CSMD3: variants seen among roughly 807,000 people sequenced by gnomAD.
CSMD3 encodes the protein CUB and Sushi multiple domains 3, also known as CUB and sushi domain-containing protein 3.
Under a neutral mutation model 435.2 loss-of-function variants are expected in CSMD3, and 177 were observed. That is an observed-to-expected ratio of 0.41 (90% CI 0.36 to 0.46). The LOEUF (loss-of-function observed/expected upper bound fraction) is 0.46. Ranked by LOEUF, CSMD3 falls within the 20% of genes least tolerant of loss-of-function variation. The pLI is 0.34. For synonymous variants in CSMD3, 1,656 were observed against 1,520.5 expected (o/e 1.09, Z -2.07); for missense variants, 4,265 against 4,504.6 (o/e 0.95, Z 1.52).
chr8:113,302,492 T>C (rs1019950223), intron 2 of CSMD3, among the ~76,000 whole-genome samples: 8 of 151,172 alleles, frequency 5.3e-5, no homozygotes, highest in Non-Finnish European at 8.8e-5. Flanking sequence ...TAAATGAATT[T>C]GAAGAGTTAA....
chr8:112,368,437 A>G (rs1214044031), intron 38 of CSMD3, among the ~76,000 whole-genome samples: 1 of 152,192 alleles, frequency 6.6e-6, no homozygotes, highest in Admixed American at 6.5e-5. Context: ...GATGATTGCA[A>G]TGCACAATTA....
chr8:112,611,045 T>C (rs1428736710), intron 22 of CSMD3, among the ~76,000 whole-genome samples: 1 of 152,154 alleles, frequency 6.6e-6, no homozygotes, highest in Admixed American at 6.6e-5. Flanking sequence ...TGTGAGAGGA[T>C]TTACTATGGA....
chr8:113,067,351 C>T (rs1013902564), intron 5 of CSMD3, among the ~76,000 whole-genome samples: 27 of 152,058 alleles, frequency 1.8e-4, no homozygotes. Context: ...TATGAAATGT[C>T]TTCAGACTAT....
At chr8:112,235,470 A>G (rs1350570345) in intron 67 of CSMD3, among the ~76,000 whole-genome samples, 1 of 152,196 alleles carries the variant, frequency 6.6e-6, no homozygotes, top group Non-Finnish European at 1.5e-5. Flanking sequence ...AAAATAAAGT[A>G]GAATTTTTAG....
chr8:112,258,634 C>T (rs527850111), intron 61 of CSMD3, among the ~76,000 whole-genome samples: 9 of 152,228 alleles, frequency 5.9e-5, no homozygotes, highest in African/African-American at 2.2e-4. Flanking sequence ...ACAATAGATG[C>T]CGGAGAGGAT....
intron 10 of CSMD3, among the ~76,000 whole-genome samples, chr8:112,899,706 A>T (rs2082056517): frequency 7.0e-6 from 1 of 143,142 alleles, no homozygotes; most frequent in Non-Finnish European, 1.5e-5. Context: ...TATAGCCATC[A>T]TAACAGGTAT....
chr8:113,397,922 T>A (rs1393947651), intron 1 of CSMD3, among the ~76,000 whole-genome samples: 6 of 152,072 alleles, frequency 3.9e-5, no homozygotes, highest in Non-Finnish European at 8.8e-5. Flanking sequence ...CAGGTTTTGC[T>A]TGAATATTAT....
At position 113,053,591 on chromosome 8, in the gene CSMD3, AACTT is replaced by A. The variant is rs996565335; in HGVS notation, c.918-34416_918-34413del. On this transcript the variant is annotated intron_variant, in intron 5 of 70. Coordinates refer to ENST00000297405, the MANE Select transcript of CSMD3 (RefSeq NM_198123.2). ...TTTATGTATATTTAATATACTTATGAACTTACTTATACATATACAAGTGAAAATT... is the reference window on the plus strand; with the variant it reads ...TTTATGTATATTTAATATACTTATGAACTTATACATATACAAGTGAAAATT... Among the ~76,000 whole-genome samples the A allele has an allele frequency of 9.2e-5, 14 of 152,168 alleles. No homozygotes were observed. In the South Asian group the frequency reaches 1.2e-3, roughly 14 times the overall value.
chr8:112,568,914 T>C (rs2131282007), intron 24 of CSMD3, among the ~76,000 whole-genome samples: 1 of 152,302 alleles, frequency 6.6e-6, no homozygotes, highest in African/African-American at 2.4e-5. Flanking sequence ...TCTCCCTTCT[T>C]CCTTGCTAAC....
At chr8:112,449,101 G>A (rs1380869083) in intron 32 of CSMD3, among the ~76,000 whole-genome samples, 3 of 152,002 alleles carry the variant, frequency 2.0e-5, no homozygotes, top group Non-Finnish European at 4.4e-5. Flanking sequence ...CAATCTACAC[G>A]ATTTGGGTGA....
chr8:112,752,159 G>A (rs2077585189), intron 13 of CSMD3, among the ~76,000 whole-genome samples: 1 of 152,064 alleles, frequency 6.6e-6, no homozygotes, highest in South Asian at 2.1e-4. Flanking sequence ...TAACCTTGTT[G>A]ACTATCCTCT....
chr8:112,370,271 G>C (rs1211945125), intron 38 of CSMD3, among the ~76,000 whole-genome samples: 1 of 152,040 alleles, frequency 6.6e-6, no homozygotes, highest in East Asian at 1.9e-4. Flanking sequence ...TGTCTTATTG[G>C]AAATAAATAA....
chr8:112,885,796 T>C (rs1159347710), intron 10 of CSMD3, among the ~76,000 whole-genome samples: 1 of 151,734 alleles, frequency 6.6e-6, no homozygotes, highest in Non-Finnish European at 1.5e-5. Context: ...GTCATGTGAT[T>C]GGAGGAACAA....
intron 13 of CSMD3, among the ~76,000 whole-genome samples, chr8:112,716,619 A>C (rs1420597496): frequency 1.3e-5 from 2 of 152,154 alleles, no homozygotes; most frequent in Non-Finnish European, 2.9e-5. Context: ...TATAGCCATG[A>C]CAATCCTAAG....
chr8:112,527,696 A>C (rs1825114971), intron 27 of CSMD3, among the ~76,000 whole-genome samples: 1 of 152,014 alleles, frequency 6.6e-6, no homozygotes, highest in African/African-American at 2.4e-5. Context: ...AGTAAATTTA[A>C]AACTAATAAA....
At chr8:113,435,331 A>T (rs987169077) in intron 1 of CSMD3, among the ~76,000 whole-genome samples, 1 of 152,110 alleles carries the variant, frequency 6.6e-6, no homozygotes, top group African/African-American at 2.4e-5. Flanking sequence ...TTTGGGATGT[A>T]AATTAAAATT....
chr8:113,405,652 T>C (rs1464588449), intron 1 of CSMD3, among the ~76,000 whole-genome samples: 2 of 151,804 alleles, frequency 1.3e-5, no homozygotes, highest in South Asian at 2.1e-4. Context: ...GAAATGAAGG[T>C]GGCAAAACCT....
chr8:112,581,600 T>C (rs1172014223), intron 23 of CSMD3, among the ~76,000 whole-genome samples: 1 of 152,108 alleles, frequency 6.6e-6, no homozygotes, highest in Non-Finnish European at 1.5e-5. Context: ...GCTGAAATTA[T>C]ATAGTAAATT....
chr8:112,990,999 C>T (rs1459638564), intron 6 of CSMD3, among the ~76,000 whole-genome samples: 2 of 151,726 alleles, frequency 1.3e-5, no homozygotes, highest in Admixed American at 6.6e-5. Flanking sequence ...GTGATTACCT[C>T]GGGTCATCTC....
Sources: gnomAD v4.1 joint callset for allele counts (sites outside exome capture counted in the v4.1 genomes callset) on GRCh38, gnomAD v4.1.1 for gene constraint, MANE v1.5 for transcripts, NCBI Gene and HGNC (gene_info 2026-07-23, HGNC 2026-07-21) for gene names.